The following CDH3 variants were observed in gnomAD, a reference collection of about 807,000 sequenced individuals.
The protein encoded by CDH3 is cadherin 3.
In CDH3, 54 loss-of-function variants were observed where a neutral mutation model predicts 82.0. That is an observed-to-expected ratio of 0.66 (90% CI 0.53 to 0.83). The LOEUF is 0.83. Ranked by LOEUF, CDH3 falls within the 40% of genes least tolerant of loss-of-function variation. CDH3 has a pLI of 0.00. For missense variants in CDH3, 1,054 were observed against 1,084.6 expected (o/e 0.97, Z 0.40); for synonymous variants, 446 against 437.9 (o/e 1.02, Z -0.23).
Position 68,673,147 on chromosome 16 carries a change from G to A in CDH3, c.161-3238G>A, listed in dbSNP as rs560030581. 3.9e-5 allele frequency among the ~76,000 whole-genome samples: 6 copies of A among 152,226 alleles called. No homozygotes were observed. In the East Asian group the frequency reaches 9.7e-4, roughly 24 times the overall value. ...CATAGGTTTTGGCAAATGTATTTTT[G>A]TTGGGTCTGTACATCACAGTGGACT... On this transcript the variant is annotated intron_variant, in intron 2 of 15. Coordinates refer to ENST00000264012, the MANE Select transcript of CDH3 (RefSeq NM_001793.6).
At chr16:68,731,020 CAAAAAAAAAAAAA>C (rs1168041237), downstream of CDH3, among the ~76,000 whole-genome samples, 2 of 34,904 alleles carry the variant, frequency 5.7e-5, no homozygotes, top group Admixed American at 6.6e-4. Flanking sequence ...AACTCCGTCT[CAAAAAAAAAAAAA>C]AAAAAAAAAA....
chr16:68,704,067 A>C (rs989521607), downstream of CDH3, among the ~76,000 whole-genome samples: 2 of 152,218 alleles, frequency 1.3e-5, no homozygotes, highest in African/African-American at 4.8e-5. Flanking sequence ...CGGGCGGATC[A>C]CGAGGTCAGG....
chr16:68,679,231 C>T (rs1156652559), intron 6 of CDH3, among the ~76,000 whole-genome samples: 1 of 152,214 alleles, frequency 6.6e-6, no homozygotes, highest in Non-Finnish European at 1.5e-5. Context: ...TATTCTTGAC[C>T]TCTGAGCCTC....
intron 2 of CDH3, among the ~76,000 whole-genome samples, chr16:68,649,160 G>A (rs1353482299): frequency 6.6e-6 from 1 of 152,102 alleles, no homozygotes; most frequent in Non-Finnish European, 1.5e-5. Flanking sequence ...ATCCTTAAGG[G>A]TGAACAACTG....
Position 68,679,856 on chromosome 16 carries a change from A to G in CDH3, c.749A>G (p.Asn250Ser), listed in dbSNP as rs1278333266. The change falls in exon 7 of 16, where the codon AAT becomes AGT. Residue 250 changes from asparagine to serine, a missense_variant. Asn to Ser is a conservative substitution (Grantham distance 46, BLOSUM62 1). Transcript: ENST00000264012. Reference protein sequence around the residue: ...TDEDDAIYTYNGVVAYSIHSQ... With the variant: ...TDEDDAIYTYSGVVAYSIHSQ... ...GAGGATGATGCCATCTACACCTACA[A>G]TGGGGTGGTTGCTTACTCCATCCAT... 5 of 1,613,686 alleles carry G rather than the reference A, an allele frequency of 3.1e-6. No homozygotes were observed. Among genetic ancestry groups the G allele is most frequent in the South Asian group, 2.2e-5 (2 of 91,082 alleles).
At chr16:68,683,601 G>A (rs1961291666) in intron 9 of CDH3, among the ~76,000 whole-genome samples, 1 of 139,822 alleles carries the variant, frequency 7.2e-6, no homozygotes, top group Non-Finnish European at 1.5e-5. Flanking sequence ...GCAGTGAGCC[G>A]AGATCGCACC....
chr16:68,713,919 TTTATTATTA>T (rs146101205), intron 1 of CDH3, among the ~76,000 whole-genome samples: 11 of 147,532 alleles, frequency 7.5e-5, no homozygotes, highest in Admixed American at 3.4e-4. Flanking sequence ...TTTTATTCTA[TTTATTATTA>T]TTATTATTAT....
rs1371704623 is a variant in CDH3 at position 68,699,320 on chromosome 16, C to T, written c.*920C>T. The T allele has an allele frequency of 6.6e-6, 1 of 152,170 alleles. No individual in the cohort carries two copies. Among genetic ancestry groups the T allele is most frequent in the African/African-American group, 2.4e-5 (1 of 41,400 alleles). The allele number at this position is 152,170 out of a possible 1,614,324, so 9.4% of individuals were successfully genotyped here. ...CTCCATGAGAGAGAACCATTAACCT[C>T]TTACCCCAAGGCTGAGCCCCTCCAC... On this transcript the variant is annotated 3_prime_UTR_variant, in exon 16 of 16. Coordinates refer to ENST00000264012, the MANE Select transcript of CDH3 (RefSeq NM_001793.6).
chr16:68,709,354 G>A lies in CDH3; in HGVS notation c.100-13071G>A, dbSNP rs1245588827. Among the ~76,000 whole-genome samples the A allele has an allele frequency of 2.6e-5, 4 of 152,180 alleles. No individual in the cohort carries two copies. In the East Asian group the frequency reaches 5.8e-4, roughly 22 times the overall value. The stretch of plus-strand genomic sequence containing the variant: ...CCCAAAGTGTTGGGATTACAGGCAC[G>A]AGCCCCTGCACCCGGCGCAGAAGCA... On this transcript the variant is annotated intron_variant, in intron 1 of 2. Coordinates refer to the CDH3 transcript ENST00000569080.
At chr16:68,677,846 G>A (rs913716068) in intron 3 of CDH3, among the ~76,000 whole-genome samples, 3 of 152,126 alleles carry the variant, frequency 2.0e-5, no homozygotes, top group African/African-American at 7.2e-5. Flanking sequence ...ATGTGCTGTA[G>A]TATATTTCAC....
At chr16:68,658,126 C>G (rs984084112) in intron 2 of CDH3, among the ~76,000 whole-genome samples, 1 of 147,922 alleles carries the variant, frequency 6.8e-6, no homozygotes, top group African/African-American at 2.5e-5. Context: ...TCTTGAACTC[C>G]TGGCCTCAAG....
rs750500641 is a variant in CDH3, at chr16:68,695,785, C to A, written c.2142C>A (p.Asp714Glu). Residue 714 changes from aspartate to glutamate, a missense_variant, in exon 15 of 16, where the codon GAC becomes GAA. Asp to Glu is a conservative substitution (Grantham distance 45). Transcript: ENST00000264012. ...CCTGCATTTCCCCACAGGACTATGA[C>A]ATCACCCAGCTCCACCGAGGTCTGG... The part of the protein sequence containing the change: ...EGGGEEDQDY[D>E]ITQLHRGLEA... 1 of 1,614,018 alleles carries A rather than the reference C, an allele frequency of 6.2e-7. No individual in the cohort carries two copies. The highest frequency in any genetic ancestry group is 1.3e-5 in the African/African-American group (1 of 74,898).
intron 13 of CDH3, among the ~76,000 whole-genome samples, chr16:68,693,611 G>A (rs989880051): frequency 1.3e-5 from 2 of 152,118 alleles, no homozygotes; most frequent in African/African-American, 2.4e-5. Flanking sequence ...AGTCCATTTG[G>A]CGTCTTGCCT....
chr16:68,684,934 C>T, intron 10 of CDH3, 110 bp downstream of exon 10: 2 of 1,396,876 alleles, frequency 1.4e-6, no homozygotes, highest in East Asian at 2.3e-5. Context: ...ATAGGAATAT[C>T]CCTCCTGCAT....
At chr16:68,728,355 A>AG (rs1194362783), downstream of CDH3, among the ~76,000 whole-genome samples, 3 of 151,252 alleles carry the variant, frequency 2.0e-5, no homozygotes, top group Non-Finnish European at 2.9e-5. Context: ...TTAGTAGAGA[A>AG]GGGGTTTCAC....
chr16:68,711,471 G>A (rs972594803), intron 1 of CDH3, among the ~76,000 whole-genome samples: 2 of 152,192 alleles, frequency 1.3e-5, no homozygotes, highest in Admixed American at 1.3e-4. Flanking sequence ...TTCAGGTGCA[G>A]CAGGGCTACC....
chr16:68,666,541 A>G (rs939549796), intron 2 of CDH3, among the ~76,000 whole-genome samples: 108 of 152,038 alleles, frequency 7.1e-4, no homozygotes, highest in African/African-American at 2.3e-3. Context: ...TTGCTGCCCT[A>G]TGACCTCTCC....
chr16:68,707,017 G>C lies in CDH3; in HGVS notation c.99+11094G>C, dbSNP rs1286306358. ...TGAAGCATGGAGGAAAATGGAGCTGGGATGGGGCCTAGGGAGGAAGGGCCT... is the reference window on the plus strand; with the variant it reads ...TGAAGCATGGAGGAAAATGGAGCTGCGATGGGGCCTAGGGAGGAAGGGCCT... On this transcript the variant is annotated intron_variant, in intron 1 of 2. Coordinates refer to the CDH3 transcript ENST00000569080. This position sits in a 1 kb window ranked among gnomAD's most constrained non-coding sequence, Gnocchi z 4.5. Among the ~76,000 whole-genome samples the C allele has an allele frequency of 6.6e-6, 1 of 152,158 alleles. No homozygotes were observed. Among genetic ancestry groups the C allele is most frequent in the African/African-American group, 2.4e-5 (1 of 41,444 alleles).
At chr16:68,650,064 TA>T (rs1960194498) in intron 2 of CDH3, among the ~76,000 whole-genome samples, 1 of 149,412 alleles carries the variant, frequency 6.7e-6, no homozygotes, top group Admixed American at 6.7e-5. Context: ...AGGACCACAG[TA>T]GGGGGTAGTT....
Sources: gnomAD v4.1 joint callset for allele counts (sites outside exome capture counted in the v4.1 genomes callset) on GRCh38, gnomAD v4.1.1 for gene constraint, Gnocchi (gnomAD v3.1) non-coding constraint, MANE v1.5 for transcripts, NCBI Gene and HGNC (gene_info 2026-07-23, HGNC 2026-07-21) for gene names.